The following PLEKHG1 variants were observed in gnomAD, a reference collection of about 807,000 sequenced individuals.
PLEKHG1 encodes the protein pleckstrin homology and RhoGEF domain containing G1.
A neutral mutation model predicts 100.8 loss-of-function variants in PLEKHG1; 44 were observed. That is an observed-to-expected ratio of 0.44 (90% CI 0.34 to 0.56). The LOEUF is 0.56. PLEKHG1 is among the 20% of genes least tolerant of loss of function. The pLI, the probability that PLEKHG1 is intolerant of heterozygous loss-of-function variation, is 0.01. For synonymous variants in PLEKHG1, 640 were observed against 662.5 expected (o/e 0.97, Z 0.52); for missense variants, 1,545 against 1,720.9 (o/e 0.90, Z 1.81).
rs1583174649 is a variant in PLEKHG1 at position 150,809,862 on chromosome 6, G to C, written c.1278+128G>C. The C allele has an allele frequency of 1.3e-5, 6 of 478,064 alleles. No individual in the cohort carries two copies. The East Asian group carries it at 2.1e-4, about 16-fold the overall frequency. 29.6% of individuals were successfully genotyped at this position (478,064 alleles called of 1,614,324 possible). A position where few individuals can be genotyped will look rare whatever the true frequency, so the allele number is the denominator to read the frequency against. On this transcript the variant is annotated intron_variant, in intron 10 of 15. Coordinates refer to ENST00000358517, the Ensembl canonical transcript of PLEKHG1. ...CCAGACTGGGCGACAGAGTGAGACT[G>C]TCTCAAAATAAAAACAAAGAGACTG...
chr6:150,674,014 C>T (rs1210357101), intron 3 of PLEKHG1, among the ~76,000 whole-genome samples: 1 of 152,072 alleles, frequency 6.6e-6, no homozygotes, highest in Non-Finnish European at 1.5e-5. Flanking sequence ...GCCTGACCTC[C>T]CTCTCCACCA....
At chr6:150,639,849 T>C (rs1269070932) in intron 2 of PLEKHG1, among the ~76,000 whole-genome samples, 2 of 152,230 alleles carry the variant, frequency 1.3e-5, no homozygotes, top group Non-Finnish European at 2.9e-5. Context: ...TCCTGTTCAA[T>C]TCTGAACTTT....
intron 14 of PLEKHG1, among the ~76,000 whole-genome samples, chr6:150,825,011 C>A (rs1562555597): frequency 6.6e-6 from 1 of 152,114 alleles, no homozygotes. Context: ...CTCTTCAAAG[C>A]AGCCACAGTA....
At chr6:150,702,900 G>A (rs1322703868) in intron 3 of PLEKHG1, among the ~76,000 whole-genome samples, 1 of 152,064 alleles carries the variant, frequency 6.6e-6, no homozygotes, top group East Asian at 1.9e-4. Context: ...CATTCCTTAC[G>A]AGGAAGCAGC....
rs960926008 is a variant in PLEKHG1 at position 150,683,213 on chromosome 6, A to G, written c.-99+32427A>G. Among the ~76,000 whole-genome samples, 2 of 152,242 alleles carry G rather than the reference A, an allele frequency of 1.3e-5. No homozygotes were observed. Among genetic ancestry groups the G allele is most frequent in the Admixed American group, 1.3e-4 (2 of 15,288 alleles). On this transcript the variant is annotated intron_variant, in intron 3 of 3. Coordinates refer to the PLEKHG1 transcript ENST00000367326. This position sits in a 1 kb window ranked among gnomAD's most constrained non-coding sequence, Gnocchi z 4.0. The stretch of plus-strand genomic sequence containing the variant: ...GACAGTATTTATATTTATGAAATTT[A>G]GAGAATAGTTGTCAACTCGTCATGA...
chr6:150,694,560 T>C (rs1035974099), intron 3 of PLEKHG1, among the ~76,000 whole-genome samples: 4 of 151,374 alleles, frequency 2.6e-5, no homozygotes, highest in Admixed American at 6.6e-5. Context: ...ATTAGCCCAG[T>C]GTGGGGGTGG....
At chr6:150,620,190 C>T (rs757233772) in intron 1 of PLEKHG1, among the ~76,000 whole-genome samples, 11 of 151,934 alleles carry the variant, frequency 7.2e-5, no homozygotes, top group Non-Finnish European at 1.6e-4. Context: ...AGGGGATTTT[C>T]GTGTGGGTGA....
intron 2 of PLEKHG1, among the ~76,000 whole-genome samples, chr6:150,763,477 C>T (rs1052715192): frequency 3.9e-5 from 6 of 152,204 alleles, no homozygotes; most frequent in East Asian, 1.9e-4. Flanking sequence ...TGGAAATCTA[C>T]GATCTGGATT....
At chr6:150,605,212 T>A (rs1776545675) in intron 1 of PLEKHG1, among the ~76,000 whole-genome samples, 1 of 152,220 alleles carries the variant, frequency 6.6e-6, no homozygotes, top group African/African-American at 2.4e-5. Context: ...TATTCTTCTT[T>A]GTATAATAAC....
intron 13 of PLEKHG1, among the ~76,000 whole-genome samples, chr6:150,823,201 A>G (rs1411895216): frequency 3.3e-5 from 5 of 152,046 alleles, no homozygotes; most frequent in Non-Finnish European, 7.4e-5. Context: ...GGCTATGTAA[A>G]TCTCTCCCCA....
chr6:150,760,989 T>C (rs146767858), intron 2 of PLEKHG1, among the ~76,000 whole-genome samples: 28 of 152,282 alleles, frequency 1.8e-4, no homozygotes, highest in Middle Eastern at 3.4e-3. Flanking sequence ...AAACTGCTTT[T>C]CCATTATTAT....
intron 2 of PLEKHG1, among the ~76,000 whole-genome samples, chr6:150,766,606 T>C (rs1357792984): frequency 6.6e-6 from 1 of 152,240 alleles, no homozygotes; most frequent in Admixed American, 6.5e-5. Flanking sequence ...GTTTTCTCAA[T>C]AATTTCTGAA....
At chr6:150,630,881 G>C (rs62434104) in intron 1 of PLEKHG1, among the ~76,000 whole-genome samples, 11,623 of 152,200 alleles carry the variant, frequency 0.076, 546 homozygotes, top group Non-Finnish European at 0.11. Flanking sequence ...AAAGCCAGGA[G>C]CCCATGGCTT....
At chr6:150,701,739 T>A (rs1780800597) in intron 3 of PLEKHG1, among the ~76,000 whole-genome samples, 1 of 151,498 alleles carries the variant, frequency 6.6e-6, no homozygotes, top group Non-Finnish European at 1.5e-5. Flanking sequence ...ACTGTTTCCA[T>A]GTTGCAACTT....
intron 2 of PLEKHG1, among the ~76,000 whole-genome samples, chr6:150,757,493 T>C (rs1783909342): frequency 6.6e-6 from 1 of 152,208 alleles, no homozygotes; most frequent in East Asian, 1.9e-4. Flanking sequence ...TAAAATGGCA[T>C]GCAGAGCTCA....
chr6:150,719,468 T>C (rs926096221), upstream of PLEKHG1, among the ~76,000 whole-genome samples: 8 of 152,230 alleles, frequency 5.3e-5, no homozygotes, highest in African/African-American at 1.7e-4. Flanking sequence ...AAATCTATGG[T>C]ATAGGAAGGT....
intron 7 of PLEKHG1, among the ~76,000 whole-genome samples, chr6:150,806,242 TTTTTTG>T (rs1220950933): frequency 5.1e-4 from 77 of 149,630 alleles, no homozygotes; most frequent in African/African-American, 1.9e-3. Flanking sequence ...TTTTTTTTTT[TTTTTTG>T]CAACAGCAAC....
At chr6:150,811,658 T>C (rs547766987) in intron 10 of PLEKHG1, among the ~76,000 whole-genome samples, 1 of 137,126 alleles carries the variant, frequency 7.3e-6, no homozygotes, top group Non-Finnish European at 1.5e-5. Flanking sequence ...AAAGAGAGAA[T>C]GTATGCGCTG....
intron 1 of PLEKHG1, among the ~76,000 whole-genome samples, chr6:150,621,403 C>T (rs1207931237): frequency 7.0e-4 from 102 of 145,204 alleles, no homozygotes; most frequent in Non-Finnish European, 1.3e-3. Context: ...GAGATGGAGT[C>T]TCACTCTGTT....
Sources: gnomAD v4.1 joint callset for allele counts (sites outside exome capture counted in the v4.1 genomes callset) on GRCh38, gnomAD v4.1.1 for gene constraint, Gnocchi (gnomAD v3.1) non-coding constraint, MANE v1.5 for transcripts, NCBI Gene and HGNC (gene_info 2026-07-23, HGNC 2026-07-21) for gene names.